Variants in ANO6 observed in about 807,000 individuals in gnomAD.
The protein encoded by ANO6 is anoctamin-6.
A neutral mutation model predicts 117.5 loss-of-function variants in ANO6; 106 were observed. The ratio of observed to expected loss-of-function variants is 0.90; its 90% CI spans 0.77 to 1.06. ANO6 has a LOEUF of 1.06. ANO6 is among the 50% of genes least tolerant of loss of function. The pLI, the probability that ANO6 is intolerant of heterozygous loss-of-function variation, is 0.00. For synonymous variants in ANO6, 367 were observed against 385.1 expected (o/e 0.95, Z 0.55); for missense variants, 955 against 1,121.1 (o/e 0.85, Z 2.12).
chr12:45,383,853 T>C (rs771985130), intron 10 of ANO6, among the ~76,000 whole-genome samples: 10 of 152,210 alleles, frequency 6.6e-5, no homozygotes, highest in Admixed American at 1.3e-4. Context: ...TCTAAGAGCG[T>C]TGGCTTCAAC....
chr12:45,393,733 TC>T (rs1942524639), intron 12 of ANO6, among the ~76,000 whole-genome samples: 1 of 152,154 alleles, frequency 6.6e-6, no homozygotes, highest in South Asian at 2.1e-4. Context: ...GAATTTCATA[TC>T]CAGCCAAACT....
At chr12:45,356,389 C>T (rs973069382) in intron 7 of ANO6, among the ~76,000 whole-genome samples, 1 of 152,040 alleles carries the variant, frequency 6.6e-6, no homozygotes, top group African/African-American at 2.4e-5. Context: ...GGCAGTGACA[C>T]CCGCACACAC....
chr12:45,233,020 T>C (rs1947597096), intron 1 of ANO6, among the ~76,000 whole-genome samples: 1 of 152,142 alleles, frequency 6.6e-6, no homozygotes, highest in African/African-American at 2.4e-5. Context: ...GGCAGGGAGC[T>C]AGAAGCCAAC....
chr12:45,329,694 G>C (rs539183794), intron 2 of ANO6, among the ~76,000 whole-genome samples: 2 of 152,172 alleles, frequency 1.3e-5, no homozygotes, highest in South Asian at 4.1e-4. Context: ...TTGCAATGAT[G>C]ACCAGGTTTT....
At chr12:45,413,619 G>A (rs74080893) in intron 16 of ANO6, among the ~76,000 whole-genome samples, 4,180 of 152,300 alleles carry the variant, frequency 0.027, 193 homozygotes, top group African/African-American at 0.095. Flanking sequence ...AGAGTGAAGA[G>A]TGAGGGAGGC....
intron 2 of ANO6, among the ~76,000 whole-genome samples, chr12:45,305,789 G>T (rs932338995): frequency 6.6e-5 from 10 of 152,088 alleles, no homozygotes; most frequent in African/African-American, 2.4e-4. Context: ...TTGCATGCAG[G>T]ATATCCCACA....
At chr12:45,274,087 T>G (rs1268910078) in intron 1 of ANO6, among the ~76,000 whole-genome samples, 12 of 152,206 alleles carry the variant, frequency 7.9e-5, no homozygotes, top group Admixed American at 6.5e-4. Flanking sequence ...TCTCTCCTGC[T>G]GGATCCTTCT....
intron 1 of ANO6, chr12:45,228,310 T>TTC: frequency 3.2e-6 from 1 of 311,342 alleles, no homozygotes; most frequent in East Asian, 1.1e-4. Flanking sequence ...TTTTTTTTTT[T>TTC]TTTTTTTATT....
At chr12:45,283,131 T>C (rs1938798034) in intron 1 of ANO6, among the ~76,000 whole-genome samples, 1 of 152,250 alleles carries the variant, frequency 6.6e-6, no homozygotes, top group Non-Finnish European at 1.5e-5. Context: ...AACGTACTTA[T>C]GCATATTTAT....
intron 2 of ANO6, among the ~76,000 whole-genome samples, chr12:45,318,712 G>C (rs1940141334): frequency 6.6e-6 from 1 of 152,034 alleles, no homozygotes. Flanking sequence ...AATTACCTTG[G>C]GCAGTATGGC....
At chr12:45,241,151 A>G (rs1175651605) in intron 1 of ANO6, among the ~76,000 whole-genome samples, 2 of 152,202 alleles carry the variant, frequency 1.3e-5, no homozygotes, top group Non-Finnish European at 2.9e-5. Context: ...GTGTTTTCCA[A>G]TTTAGTTCCA....
chr12:45,397,079 T>G (rs1391376163), intron 12 of ANO6, among the ~76,000 whole-genome samples: 1 of 151,992 alleles, frequency 6.6e-6, no homozygotes, highest in Admixed American at 6.6e-5. Context: ...GGGAGAAAAT[T>G]TTTGCAATCT....
intron 12 of ANO6, among the ~76,000 whole-genome samples, chr12:45,397,746 A>G (rs889215644): frequency 2.0e-5 from 3 of 152,164 alleles, no homozygotes; most frequent in Non-Finnish European, 4.4e-5. Context: ...CAGAAAACCA[A>G]ACACCGCATG....
chr12:45,432,821 A>C (rs950149480), downstream of ANO6, among the ~76,000 whole-genome samples: 1 of 152,172 alleles, frequency 6.6e-6, no homozygotes, highest in African/African-American at 2.4e-5. Context: ...TCCCAGAACC[A>C]TTTAGGTTGT....
chr12:45,303,988 G>T (rs992469450), intron 2 of ANO6, among the ~76,000 whole-genome samples: 5 of 152,138 alleles, frequency 3.3e-5, no homozygotes, highest in African/African-American at 1.2e-4. Context: ...CTGTATCCTG[G>T]CTATTATCTT....
At chr12:45,274,008 C>CT (rs946116417) in intron 1 of ANO6, among the ~76,000 whole-genome samples, 1 of 152,170 alleles carries the variant, frequency 6.6e-6, no homozygotes, top group African/African-American at 2.4e-5. Flanking sequence ...TCCTGAAATT[C>CT]TTTTTTTACT....
At chr12:45,292,901 C>A in intron 1 of ANO6, 1 of 1,551,260 alleles carries the variant, frequency 6.4e-7, no homozygotes. Context: ...TCCATTCCCC[C>A]TTTTGTTCTG....
chr12:45,390,488 T>C lies in ANO6; in HGVS notation c.1376T>C (p.Val459Ala). 1 of 1,613,524 alleles carries C rather than the reference T, an allele frequency of 6.2e-7. No homozygotes were observed. Among genetic ancestry groups the C allele is most frequent in the Non-Finnish European group, 8.5e-7 (1 of 1,179,630 alleles). The change falls in exon 12 of 20, where the codon GTC (valine) becomes GCC (alanine). Residue 459 changes from valine to alanine, a missense_variant. Coordinates refer to ENST00000320560, the MANE Select transcript of ANO6 (RefSeq NM_001025356.3). The part of the protein sequence containing the change: ...CIRITLCASA[V>A]FFWILLIIAS... ...CGGATAACCCTCTGTGCCAGTGCTGTCTTTTTCTGGGTAATTCTATCACAA... is the reference window on the plus strand; with the variant it reads ...CGGATAACCCTCTGTGCCAGTGCTGCCTTTTTCTGGGTAATTCTATCACAA...
intron 4 of ANO6, 74 bp from the exon 5 acceptor site, chr12:45,347,953 TA>T: frequency 1.4e-6 from 2 of 1,446,870 alleles, no homozygotes; most frequent in South Asian, 2.3e-5. Context: ...ACCAACAACA[TA>T]AGAAAAATCT....
Sources: gnomAD v4.1 joint callset for allele counts (sites outside exome capture counted in the v4.1 genomes callset) on GRCh38, gnomAD v4.1.1 for gene constraint, MANE v1.5 for transcripts, NCBI Gene and HGNC (gene_info 2026-07-23, HGNC 2026-07-21) for gene names.